The following PCDHGB4 variants were observed in gnomAD, a reference collection of about 807,000 sequenced individuals.
PCDHGB4 encodes protocadherin gamma subfamily B, 4.
In PCDHGB4, 38 loss-of-function variants were observed where a neutral mutation model predicts 60.5. The observed-to-expected ratio is 0.63, with a 90% confidence interval of 0.48 to 0.82. The LOEUF is 0.82. PCDHGB4 is among the 40% of genes least tolerant of loss of function. The pLI, the probability that PCDHGB4 is intolerant of heterozygous loss-of-function variation, is 0.00. For synonymous variants in PCDHGB4, 456 were observed against 509.7 expected, an observed-to-expected ratio of 0.89 and a Z score of 1.42; for missense variants, 1,109 against 1,209.6, an observed-to-expected ratio of 0.92 and a Z score of 1.23.
intron 1 of PCDHGB4, among the ~76,000 whole-genome samples, chr5:141,438,609 T>TATAC (rs2098013849): frequency 2.4e-5 from 1 of 41,118 alleles, no homozygotes; most frequent in Non-Finnish European, 3.9e-5. Context: ...TATATATATA[T>TATAC]ATATATATAT....
At chr5:141,500,188 ATT>A (rs2099797463) in intron 2 of PCDHGB4, among the ~76,000 whole-genome samples, 1 of 98,146 alleles carries the variant, frequency 1.0e-5, no homozygotes, top group African/African-American at 5.1e-5. Flanking sequence ...TTTTATTTTT[ATT>A]TATTTATTTA....
intron 1 of PCDHGB4, among the ~76,000 whole-genome samples, chr5:141,473,380 G>A (rs1363453338): frequency 6.6e-6 from 1 of 152,204 alleles, no homozygotes; most frequent in African/African-American, 2.4e-5. Context: ...CATGGTCCCT[G>A]CCCTCCTGGA....
Position 141,431,062 on chromosome 5 carries a change from G to C in PCDHGB4, c.2397+40781G>C, listed in dbSNP as rs2097341170. On this transcript the variant is annotated intron_variant, in intron 1 of 3. Coordinates refer to ENST00000519479, the MANE Select transcript of PCDHGB4 (RefSeq NM_003736.4). This position sits in a 1 kb window ranked among gnomAD's most constrained non-coding sequence, Gnocchi z 4.8. ...AGGAGCTCTGTATGGGGGCCATCAA[G>C]TGTCAATTAAATCTAGACATTCTGA... 6.2e-7 allele frequency: 1 copy of C among 1,614,212 alleles called. No individual in the cohort carries two copies. The highest frequency in any genetic ancestry group is 1.3e-5 in the African/African-American group (1 of 75,084).
chr5:141,400,709 G>A (rs1361669405), intron 1 of PCDHGB4: 1 of 696,272 alleles, frequency 1.4e-6, no homozygotes, highest in East Asian at 2.7e-5. Flanking sequence ...AAAAGAAGTA[G>A]CCTTATAGAT....
chr5:141,431,450 A>T lies in PCDHGB4; in HGVS notation c.2397+41169A>T, dbSNP rs1468567743. 1 of 1,613,740 alleles carries T rather than the reference A, an allele frequency of 6.2e-7. No homozygotes were observed. Among genetic ancestry groups the T allele is most frequent in the Admixed American group, 1.7e-5 (1 of 60,032 alleles). ...CACAGGCACCGCGCGCATCCGCGTG[A>T]TGGTTCTGGATGCGAACGACAACGC... On this transcript the variant is annotated intron_variant, in intron 1 of 3. Transcript: ENST00000519479. This position sits in a 1 kb window ranked among gnomAD's most constrained non-coding sequence, Gnocchi z 4.8.
At chr5:141,409,137 T>G (rs748502213) in intron 1 of PCDHGB4, 1 of 1,613,936 alleles carries the variant, frequency 6.2e-7, no homozygotes, top group Non-Finnish European at 8.5e-7. Flanking sequence ...TTTGAAGATG[T>G]AGAAAGGTAC....
At chr5:141,421,794 G>A in intron 1 of PCDHGB4, 1 of 1,613,788 alleles carries the variant, frequency 6.2e-7, no homozygotes, top group Non-Finnish European at 8.5e-7. Flanking sequence ...GAACGGATGG[G>A]GCCAAGAATC....
At chr5:141,399,562 T>TTGAACGGCCAAGTCTCCTACTCTATCA in intron 1 of PCDHGB4, 1 of 1,614,016 alleles carries the variant, frequency 6.2e-7, no homozygotes, top group Non-Finnish European at 8.5e-7. Context: ...GGACTTGGGG[T>TTGAACGGCCAAGTCTCCTACTCTATCA]TGAACGGCCA....
Position 141,431,112 on chromosome 5 carries a change from GAGTAGA to G in PCDHGB4, c.2397+40842_2397+40847del, listed in dbSNP as rs764068262. On this transcript the variant is annotated intron_variant, in intron 1 of 3. Transcript: ENST00000519479. The surrounding 1 kb of genome is among the most constrained non-coding windows in gnomAD (Gnocchi z 4.8). ...ATGGAGGATAAAGTGAAAATATATG[GAGTAGA>G]AGTAGAAGTAAGGGACATTAACGAC... The G allele has an allele frequency of 1.7e-5, 28 of 1,614,128 alleles. No individual in the cohort carries two copies. The highest frequency in any genetic ancestry group is 3.3e-5 in the South Asian group (3 of 91,092).
At chr5:141,390,538 C>T (rs1371210436) in intron 1 of PCDHGB4, 1 of 518,192 alleles carries the variant, frequency 1.9e-6, no homozygotes, top group Non-Finnish European at 3.4e-6. Context: ...GTTTTAACCA[C>T]AAAGTGAAAG....
intron 1 of PCDHGB4, chr5:141,403,037 A>G (rs1561685258): frequency 9.3e-6 from 15 of 1,613,972 alleles, no homozygotes; most frequent in South Asian, 5.5e-5. Flanking sequence ...GGCCAGGGCC[A>G]GTCAGATTCG....
rs941528168 is a variant in PCDHGB4, at chr5:141,476,433, T to C, written c.2398-18374T>C. 2 of 1,614,094 alleles carry C rather than the reference T, an allele frequency of 1.2e-6. No individual in the cohort carries two copies. The highest frequency in any genetic ancestry group is 2.2e-5 in the East Asian group (1 of 44,856). ...TGTGGGACACTGCCCTCTTGCACTGTAACTCTGGAGTTGGTAGTGGAGAAC... is the reference window on the plus strand; with the variant it reads ...TGTGGGACACTGCCCTCTTGCACTGCAACTCTGGAGTTGGTAGTGGAGAAC... On this transcript the variant is annotated intron_variant, in intron 1 of 3. Coordinates refer to ENST00000519479, the MANE Select transcript of PCDHGB4 (RefSeq NM_003736.4). This position sits in a 1 kb window ranked among gnomAD's most constrained non-coding sequence, Gnocchi z 7.6.
At chr5:141,420,062 T>G (rs759817545) in intron 1 of PCDHGB4, 1 of 1,614,066 alleles carries the variant, frequency 6.2e-7, no homozygotes, top group Non-Finnish European at 8.5e-7. Context: ...CTGCTCCAAG[T>G]CCGGACCTGT....
intron 2 of PCDHGB4, among the ~76,000 whole-genome samples, chr5:141,503,077 T>C (rs902429288): frequency 6.6e-6 from 1 of 151,810 alleles, no homozygotes; most frequent in African/African-American, 2.4e-5. Flanking sequence ...ATGGTCTCGA[T>C]CTCCTGACCT....
intron 1 of PCDHGB4, chr5:141,417,903 A>G (rs2096184376): frequency 1.3e-6 from 2 of 1,590,930 alleles, no homozygotes; most frequent in Non-Finnish European, 8.6e-7. Flanking sequence ...GGCCCGCGGC[A>G]GGTACTATTT....
intron 1 of PCDHGB4, chr5:141,422,727 G>T (rs373180311): frequency 6.3e-5 from 102 of 1,606,434 alleles, no homozygotes; most frequent in Non-Finnish European, 2.0e-5. Context: ...TCCAGGGGGT[G>T]CCTCTGTCCT....
rs1340147578 is a variant in PCDHGB4, at chr5:141,487,141, T to C, written c.2398-7666T>C. On this transcript the variant is annotated intron_variant, in intron 1 of 3. Transcript: ENST00000519479. This position sits in a 1 kb window ranked among gnomAD's most constrained non-coding sequence, Gnocchi z 5.0. ...AGGATAGTGGTAGTCCACCACTCTCTACCTCTGTTACTCTCTTAGTGTCCT... is the reference window on the plus strand; with the variant it reads ...AGGATAGTGGTAGTCCACCACTCTCCACCTCTGTTACTCTCTTAGTGTCCT... The C allele has an allele frequency of 1.2e-6, 2 of 1,613,882 alleles. No individual in the cohort carries two copies. Among genetic ancestry groups the C allele is most frequent in the African/African-American group, 2.7e-5 (2 of 74,934 alleles).
Position 141,477,198 on chromosome 5 carries a change from TACCCGAGGATG to T in PCDHGB4, c.2398-17608_2398-17598del. 6.2e-7 allele frequency: 1 copy of T among 1,614,194 alleles called. No homozygotes were observed. The highest frequency in any genetic ancestry group is 2.2e-5 in the East Asian group (1 of 44,874). On this transcript the variant is annotated intron_variant, in intron 1 of 3. Transcript: ENST00000519479. The surrounding 1 kb of genome is among the most constrained non-coding windows in gnomAD (Gnocchi z 4.9). ...ACAGTCACCTCCGTGTACAGCCCAG[TACCCGAGGATG>T]CCCCTCTGGGGACTGTCATCGCTTT...
In PCDHGB4 at chr5:141,432,545, A is replaced by G; in HGVS notation, c.2397+42264A>G. Reference sequence around the variant, plus strand: ...GGTGACCAAGGTGGTGGCGGTGGACAGAGACTCCGGCCAGAACGCCTGGCT... The same window carrying G: ...GGTGACCAAGGTGGTGGCGGTGGACGGAGACTCCGGCCAGAACGCCTGGCT... On this transcript the variant is annotated intron_variant, in intron 1 of 3. Coordinates refer to ENST00000519479, the MANE Select transcript of PCDHGB4 (RefSeq NM_003736.4). This position sits in a 1 kb window ranked among gnomAD's most constrained non-coding sequence, Gnocchi z 6.0. The G allele has an allele frequency of 1.2e-6, 2 of 1,613,876 alleles. No homozygotes were observed. Among genetic ancestry groups the G allele is most frequent in the Non-Finnish European group, 1.7e-6 (2 of 1,179,984 alleles).
Sources: allele counts gnomAD v4.1 joint callset (sites outside exome capture counted in the v4.1 genomes callset), GRCh38; gene constraint gnomAD v4.1.1; non-coding constraint Gnocchi (gnomAD v3.1); transcripts MANE v1.5; gene names NCBI Gene and HGNC (gene_info 2026-07-23, HGNC 2026-07-21).